The following ATP2B2 variants were observed in gnomAD, a reference collection of about 807,000 sequenced individuals.
ATP2B2 encodes plasma membrane calcium-transporting ATPase 2.
Under a neutral mutation model 120.0 loss-of-function variants are expected in ATP2B2, and 15 were observed. The observed-to-expected ratio is 0.12, with a 90% CI of 0.08 to 0.19. The LOEUF is 0.19. ATP2B2 is among the 10% of genes least tolerant of loss of function. The probability of loss-of-function intolerance (pLI) is 1.00; values close to 1 mark genes in which losing one functional copy is unlikely to be tolerated. For synonymous variants in ATP2B2, 694 were observed against 700.3 expected, an observed-to-expected ratio of 0.99 and a Z score of 0.14; for missense variants, 1,045 against 1,719.8, an observed-to-expected ratio of 0.61 and a Z score of 6.94.
At chr3:10,344,016 C>T (rs140231106) in intron 18 of ATP2B2, among the ~76,000 whole-genome samples, 36 of 152,210 alleles carry the variant, frequency 2.4e-4, no homozygotes, top group African/African-American at 8.7e-4. Flanking sequence ...CATATACCTG[C>T]ATCCCTTCCA....
At chr3:10,692,666 C>G (rs6801160) in intron 1 of ATP2B2, among the ~76,000 whole-genome samples, 58,874 of 152,070 alleles carry the variant, frequency 0.39, 14,777 homozygotes, top group African/African-American at 0.72. Context: ...GGGTTCCCGG[C>G]CTCCCCAGGG....
At chr3:10,536,046 C>T (rs116479779) in intron 2 of ATP2B2, among the ~76,000 whole-genome samples, 1 of 152,158 alleles carries the variant, frequency 6.6e-6, no homozygotes, top group African/African-American at 2.4e-5. Flanking sequence ...GGTGTTGTCA[C>T]TATTTTCTAT....
intron 1 of ATP2B2, among the ~76,000 whole-genome samples, chr3:10,707,265 G>C (rs751634691): frequency 6.6e-6 from 1 of 152,204 alleles, no homozygotes; most frequent in Non-Finnish European, 1.5e-5. Flanking sequence ...GGACCCGTGC[G>C]TGCTTGGGGT....
chr3:10,393,435 C>T lies in ATP2B2; in HGVS notation c.782-5033G>A, dbSNP rs138217046. On this transcript the variant is annotated intron_variant, in intron 5 of 22. Transcript: ENST00000360273. ...GCCAAGTTCCATCTGAGCCACTTTT[C>T]GCTCAGCTGTCACAGTCTGTGAGGT... Among the ~76,000 whole-genome samples, 132 of 152,280 alleles carry T rather than the reference C, an allele frequency of 8.7e-4. No homozygotes were observed. The East Asian group carries it at 0.012, about 14-fold the overall frequency.
At chr3:10,332,859 AG>A (rs1283029300) in intron 22 of ATP2B2, among the ~76,000 whole-genome samples, 1 of 152,132 alleles carries the variant, frequency 6.6e-6, no homozygotes, top group African/African-American at 2.4e-5. Context: ...TGTGAAGTAA[AG>A]GGAGTGGGGA....
Position 10,343,038 on chromosome 3 carries a change from T to C in ATP2B2, c.2704-73A>G, listed in dbSNP as rs2060326347. 8 of 1,507,564 alleles carry C rather than the reference T, an allele frequency of 5.3e-6. No homozygotes were observed. The South Asian group carries it at 9.1e-5, about 17-fold the overall frequency. The allele number at this position is 1,507,564 out of a possible 1,614,324, so 93.4% of individuals were successfully genotyped here. A position where few individuals can be genotyped will look rare whatever the true frequency, so the allele number is the denominator to read the frequency against. ...TGTGAAGTGCTGGGCGGGCTCATGGTGTAGTGTCCGCAGGCTCCTGCTGGA... is the reference window on the plus strand; with the variant it reads ...TGTGAAGTGCTGGGCGGGCTCATGGCGTAGTGTCCGCAGGCTCCTGCTGGA... On this transcript the variant is annotated intron_variant, in intron 18 of 22. Coordinates refer to ENST00000360273, the MANE Select transcript of ATP2B2 (RefSeq NM_001001331.4). The surrounding 1 kb of genome is among the most constrained non-coding windows in gnomAD (Gnocchi z 4.2).
chr3:10,407,918 GCA>G (rs1485593917), intron 3 of ATP2B2, among the ~76,000 whole-genome samples: 2 of 152,214 alleles, frequency 1.3e-5, no homozygotes, highest in Non-Finnish European at 2.9e-5. Context: ...CTGAAGCTGA[GCA>G]CATGGAGGGC....
At chr3:10,337,448 C>G (rs1456016571) in intron 22 of ATP2B2, among the ~76,000 whole-genome samples, 1 of 152,152 alleles carries the variant, frequency 6.6e-6, no homozygotes, top group Non-Finnish European at 1.5e-5. Flanking sequence ...CACTTGTGAG[C>G]TACAACACCT....
chr3:10,328,781 T>G lies in ATP2B2; in HGVS notation c.*33A>C. 6.3e-7 allele frequency: 1 copy of G among 1,576,572 alleles called. No homozygotes were observed. Among genetic ancestry groups the G allele is most frequent in the Non-Finnish European group, 8.6e-7 (1 of 1,157,534 alleles). On this transcript the variant is annotated 3_prime_UTR_variant, in exon 23 of 23. Transcript: ENST00000360273. Reference sequence around the variant, plus strand: ...GGAAAGCGGGTGGCAGCGGGGTCCATGAGGGCGGGCGGGCAGGCGAGAGGG... The same window carrying G: ...GGAAAGCGGGTGGCAGCGGGGTCCAGGAGGGCGGGCGGGCAGGCGAGAGGG...
chr3:10,423,034 C>T (rs2125070942), intron 2 of ATP2B2, among the ~76,000 whole-genome samples: 1 of 152,290 alleles, frequency 6.6e-6, no homozygotes, highest in South Asian at 2.1e-4. Flanking sequence ...GCTGTGAAAA[C>T]ATCAATGATC....
chr3:10,364,126 T>G (rs1236460197), intron 12 of ATP2B2, among the ~76,000 whole-genome samples: 1 of 152,040 alleles, frequency 6.6e-6, no homozygotes, highest in African/African-American at 2.4e-5. Flanking sequence ...AATAAACCAG[T>G]CACAAAAGGA....
chr3:10,654,010 C>G lies in ATP2B2; in HGVS notation c.-459-34049G>C, dbSNP rs1338089541. 2.0e-5 allele frequency among the ~76,000 whole-genome samples: 3 copies of G among 152,172 alleles called. No homozygotes were observed. The East Asian group carries it at 5.8e-4, about 29-fold the overall frequency. Reference sequence around the variant, plus strand: ...GGAGTCATTCCTTCCTACACAGCATCAACCTCATTATTGCTGAACTCTTAC... The same window carrying G: ...GGAGTCATTCCTTCCTACACAGCATGAACCTCATTATTGCTGAACTCTTAC... On this transcript the variant is annotated intron_variant, in intron 1 of 21. Transcript: ENST00000646379.
Position 10,340,749 on chromosome 3 carries a change from G to C in ATP2B2, c.2918-45C>G. 6.2e-7 allele frequency: 1 copy of C among 1,600,184 alleles called. No homozygotes were observed. The highest frequency in any genetic ancestry group is 8.6e-7 in the Non-Finnish European group (1 of 1,167,882). On this transcript the variant is annotated intron_variant, in intron 19 of 22. Transcript: ENST00000360273. The surrounding 1 kb of genome is among the most constrained non-coding windows in gnomAD (Gnocchi z 5.0). Reference sequence around the variant, plus strand: ...GGCTGGGCTGAAGGCAGTGGTGGGGGAATCAGAGGGGAGATGCCTGGCCTT... The same window carrying C: ...GGCTGGGCTGAAGGCAGTGGTGGGGCAATCAGAGGGGAGATGCCTGGCCTT...
At chr3:10,533,593 C>T (rs1299822899) in intron 3 of ATP2B2, among the ~76,000 whole-genome samples, 1 of 152,240 alleles carries the variant, frequency 6.6e-6, no homozygotes, top group African/African-American at 2.4e-5. Context: ...CTGACTACCC[C>T]AGCTCCAACG....
intron 2 of ATP2B2, among the ~76,000 whole-genome samples, chr3:10,582,420 T>G (rs1283719800): frequency 6.6e-6 from 1 of 152,244 alleles, no homozygotes; most frequent in Non-Finnish European, 1.5e-5. Context: ...CTGCCTGCAC[T>G]GTGCCCATCC....
intron 1 of ATP2B2, among the ~76,000 whole-genome samples, chr3:10,663,614 C>T (rs1336580579): frequency 1.3e-5 from 2 of 152,116 alleles, no homozygotes; most frequent in South Asian, 2.1e-4. Context: ...ACTGCCAAGG[C>T]GACTCCAGTA....
intron 2 of ATP2B2, among the ~76,000 whole-genome samples, chr3:10,541,216 ATC>A (rs2067432588): frequency 6.6e-6 from 1 of 152,142 alleles, no homozygotes; most frequent in Admixed American, 6.5e-5. Context: ...TCAAAGAAAT[ATC>A]TCTGTGTTTC....
At chr3:10,671,614 G>C (rs1316486157) in intron 1 of ATP2B2, among the ~76,000 whole-genome samples, 1 of 152,148 alleles carries the variant, frequency 6.6e-6, no homozygotes, top group Non-Finnish European at 1.5e-5. Flanking sequence ...TCAGAGGCCT[G>C]CACTTTGAGC....
chr3:10,443,005 A>G (rs143300599), intron 2 of ATP2B2, among the ~76,000 whole-genome samples: 12 of 152,262 alleles, frequency 7.9e-5, no homozygotes, highest in Admixed American at 3.9e-4. Flanking sequence ...CCATGATACC[A>G]AGTTGGCCTC....
Sources: allele counts gnomAD v4.1 joint callset (sites outside exome capture counted in the v4.1 genomes callset), GRCh38; gene constraint gnomAD v4.1.1; non-coding constraint Gnocchi (gnomAD v3.1); transcripts MANE v1.5; gene names NCBI Gene and HGNC (gene_info 2026-07-23, HGNC 2026-07-21).